DNAJA3: variants seen among roughly 807,000 people sequenced by gnomAD.
The protein encoded by DNAJA3 is dnaJ homolog subfamily A member 3, mitochondrial.
DNAJA3 carries 29 observed loss-of-function variants against 54.9 expected under a neutral mutation model. That is an observed-to-expected ratio of 0.53 (90% confidence interval 0.39 to 0.72). DNAJA3 has a LOEUF of 0.72. DNAJA3 is among the 30% of genes least tolerant of loss of function. DNAJA3 has a pLI of 0.00. For missense variants in DNAJA3, 708 were observed against 639.4 expected (o/e 1.11, Z -1.16); for synonymous variants, 302 against 251.4 (o/e 1.20, Z -1.90).
intron 1 of DNAJA3, among the ~76,000 whole-genome samples, chr16:4,429,990 CTT>C (rs2056676087): frequency 6.6e-6 from 1 of 151,052 alleles, no homozygotes; most frequent in Non-Finnish European, 1.5e-5. Context: ...GAGTATGACT[CTT>C]TCTCTACCAA....
intron 1 of DNAJA3, among the ~76,000 whole-genome samples, chr16:4,429,092 G>A (rs1221762837): frequency 2.0e-5 from 3 of 151,740 alleles, no homozygotes; most frequent in Non-Finnish European, 4.4e-5. Context: ...GTTTCACTGT[G>A]TTAGCCAGGA....
At chr16:4,436,214 A>G (rs1053431189) in intron 2 of DNAJA3, among the ~76,000 whole-genome samples, 3 of 151,940 alleles carry the variant, frequency 2.0e-5, no homozygotes, top group African/African-American at 4.8e-5. Context: ...AGGCATGGGG[A>G]CAGGAAGCAG....
intron 8 of DNAJA3, 38 bp from the exon 9 acceptor site, chr16:4,448,695 G>A (rs1212027713): frequency 2.0e-6 from 3 of 1,493,808 alleles, no homozygotes; most frequent in African/African-American, 1.4e-5. Context: ...TTGAGCAACT[G>A]GGGACCAGGG....
intron 1 of DNAJA3, among the ~76,000 whole-genome samples, chr16:4,428,053 G>A (rs1053683147): frequency 7.8e-4 from 119 of 151,826 alleles, no homozygotes; most frequent in African/African-American, 2.8e-3. Context: ...CCGGGTTCAC[G>A]CCATTCTCCT....
chr16:4,455,461 T>G, intron 11 of DNAJA3, 85 bp from the exon 12 acceptor site: 1 of 1,496,440 alleles, frequency 6.7e-7, no homozygotes, highest in Non-Finnish European at 9.1e-7. Context: ...CACAGCTGCT[T>G]TCCAGGGATT....
chr16:4,442,478 T>C, intron 5 of DNAJA3, 58 bp downstream of exon 5: 1 of 1,501,970 alleles, frequency 6.7e-7, no homozygotes, highest in Non-Finnish European at 8.9e-7. Context: ...TGAGAAGAGC[T>C]GGTTGTGGCA....
intron 3 of DNAJA3, among the ~76,000 whole-genome samples, chr16:4,439,728 C>G (rs1266460179): frequency 6.6e-6 from 1 of 152,080 alleles, no homozygotes; most frequent in East Asian, 1.9e-4. Flanking sequence ...AGGGCTGGAA[C>G]CAGGAGATAA....
chr16:4,434,561 ATGT>A (rs1445088676), intron 2 of DNAJA3, 44 bp downstream of exon 2: 3 of 1,598,306 alleles, frequency 1.9e-6, no homozygotes, highest in Non-Finnish European at 2.6e-6. Context: ...TGTAGTAGGA[ATGT>A]TGTTGATCCC....
intron 1 of DNAJA3, chr16:4,431,797 C>G (rs958186065): frequency 1.3e-5 from 2 of 152,130 alleles, no homozygotes; most frequent in African/African-American, 4.8e-5. Flanking sequence ...AGCTTGGTCT[C>G]GAACTCCTGA....
Position 4,454,930 on chromosome 16 carries a change from A to G in DNAJA3, c.*13+3A>G. 6.3e-7 allele frequency: 1 copy of G among 1,597,042 alleles called. No homozygotes were observed. Among genetic ancestry groups the G allele is most frequent in the Non-Finnish European group, 8.6e-7 (1 of 1,165,760 alleles). On this transcript the variant is annotated splice_donor_region_variant and intron_variant, in intron 11 of 11. Transcript: ENST00000262375. ...TACCTCATGATATCCCAGCCGAGGTAGGAAAACCCTGGAGGTTTTTTTTCC... is the reference window on the plus strand; with the variant it reads ...TACCTCATGATATCCCAGCCGAGGTGGGAAAACCCTGGAGGTTTTTTTTCC...
chr16:4,426,426 A>G (rs138969638), intron 1 of DNAJA3, among the ~76,000 whole-genome samples: 1 of 152,320 alleles, frequency 6.6e-6, no homozygotes, highest in East Asian at 1.9e-4. Context: ...GCGGAAGGGA[A>G]GAGCTAACTG....
rs987806221 is a variant in DNAJA3, at chr16:4,437,273, G to A, written c.346-129G>A. On this transcript the variant is annotated intron_variant, in intron 2 of 11. Coordinates refer to ENST00000262375, the MANE Select transcript of DNAJA3 (RefSeq NM_005147.6). ...GGCGTGAGCCACTGCACCCAGCCGAGAGACAACTTTTATAAAGGGAACATA... is the reference window on the plus strand; with the variant it reads ...GGCGTGAGCCACTGCACCCAGCCGAAAGACAACTTTTATAAAGGGAACATA... 16 of 799,444 alleles carry A rather than the reference G, an allele frequency of 2.0e-5. 1 individual carries two copies. The highest frequency in any genetic ancestry group is 3.1e-5 in the Non-Finnish European group (15 of 488,250). The allele number at this position is 799,444 out of a possible 1,614,324, so 49.5% of individuals were successfully genotyped here. A position where few individuals can be genotyped will look rare whatever the true frequency, so the allele number is the denominator to read the frequency against.
rs761112808 is a variant in DNAJA3, at chr16:4,442,997, A to G, written c.784-20A>G. 6 of 1,610,660 alleles carry G rather than the reference A, an allele frequency of 3.7e-6. No homozygotes were observed. The highest frequency in any genetic ancestry group is 2.2e-5 in the East Asian group (1 of 44,812). On this transcript the variant is annotated intron_variant, in intron 5 of 11. Transcript: ENST00000262375. ...AGTTTACCTGCGTACTTAGGTTACC[A>G]TTTTTCTTGTTTTTATCAGGAAACC... is the stretch of plus-strand genomic sequence containing the variant.
intron 1 of DNAJA3, among the ~76,000 whole-genome samples, chr16:4,429,166 T>G (rs1205814709): frequency 6.6e-6 from 1 of 151,600 alleles, no homozygotes; most frequent in African/African-American, 2.4e-5. Context: ...GGATTACAGG[T>G]GTGAGCCACC....
intron 1 of DNAJA3, among the ~76,000 whole-genome samples, chr16:4,429,250 G>A (rs1055503091): frequency 4.0e-5 from 6 of 151,108 alleles, no homozygotes; most frequent in Non-Finnish European, 8.8e-5. Context: ...GGAGTGCAGT[G>A]GTGCGATCTC....
rs1274061758 is a variant in DNAJA3 at position 4,443,129 on chromosome 16, A to G, written c.896A>G (p.Lys299Arg). The change falls in exon 6 of 12, where the codon AAG becomes AGG. Residue 299 changes from lysine (K) to arginine (R), a missense_variant. Transcript: ENST00000262375. ...CVVCRGAGQA[K>R]QKKRVMIPVP... ...GTCTGCAGGGGAGCAGGACAAGCCA[A>G]GCAGAAAAAGCGAGTGATGATCCCT... is the stretch of plus-strand genomic sequence containing the variant. The G allele has an allele frequency of 6.2e-7, 1 of 1,614,022 alleles. No homozygotes were observed. Among genetic ancestry groups the G allele is most frequent in the South Asian group, 1.1e-5 (1 of 91,074 alleles).
chr16:4,431,744 A>G (rs920180541), intron 1 of DNAJA3: 8 of 151,718 alleles, frequency 5.3e-5, no homozygotes, highest in Non-Finnish European at 7.4e-5. Context: ...TGACCGGCTA[A>G]TTTTTGTATT....
At chr16:4,438,405 A>G (rs534019356) in intron 3 of DNAJA3, among the ~76,000 whole-genome samples, 16 of 152,128 alleles carry the variant, frequency 1.1e-4, no homozygotes, top group African/African-American at 3.9e-4. Context: ...GGGAATTCAC[A>G]GTTGGATTAA....
chr16:4,439,286 G>A (rs767458573), intron 3 of DNAJA3, among the ~76,000 whole-genome samples: 10 of 151,810 alleles, frequency 6.6e-5, no homozygotes, highest in Non-Finnish European at 1.3e-4. Context: ...GCTTGAACCC[G>A]GGAGGCATCA....
Sources: gnomAD v4.1 joint callset for allele counts (sites outside exome capture counted in the v4.1 genomes callset) on GRCh38, gnomAD v4.1.1 for gene constraint, MANE v1.5 for transcripts, NCBI Gene and HGNC (gene_info 2026-07-23, HGNC 2026-07-21) for gene names.